Variants in PLCL1 observed in about 807,000 individuals in gnomAD.
PLCL1 encodes phospholipase C like 1 (inactive).
A neutral mutation model predicts 84.4 loss-of-function variants in PLCL1; 41 were observed. The observed-to-expected ratio is 0.49, with a 90% CI of 0.38 to 0.63. PLCL1 has a LOEUF of 0.63. PLCL1 is among the 30% of genes least tolerant of loss of function. PLCL1 has a pLI of 0.00. For synonymous variants in PLCL1, 490 were observed against 488.3 expected (o/e 1.00, Z -0.05); for missense variants, 1,206 against 1,367.8 (o/e 0.88, Z 1.87).
rs577261483 is a variant in PLCL1 at position 197,887,260 on chromosome 2, A to G, written c.240+81921A>G. Among the ~76,000 whole-genome samples, 112 of 152,236 alleles carry G rather than the reference A, an allele frequency of 7.4e-4. 1 individual carries two copies. Among genetic ancestry groups the G allele is most frequent in the African/African-American group, 2.6e-3 (110 of 41,552 alleles). ...AGCATACTGTTTTACATTGGAGTGTAGTGTTTTATTGTATGAAGTACCCCA... is the reference window on the plus strand; with the variant it reads ...AGCATACTGTTTTACATTGGAGTGTGGTGTTTTATTGTATGAAGTACCCCA... On this transcript the variant is annotated intron_variant, in intron 1 of 5. Coordinates refer to ENST00000428675, the MANE Select transcript of PLCL1 (RefSeq NM_006226.4).
intron 1 of PLCL1, among the ~76,000 whole-genome samples, chr2:197,899,760 C>T (rs1346154070): frequency 2.0e-5 from 3 of 151,250 alleles, no homozygotes; most frequent in Non-Finnish European, 4.4e-5. Flanking sequence ...CTCAGCCTCC[C>T]GAGTAGCTGG....
At chr2:198,051,049 G>A (rs1320134355) in intron 1 of PLCL1, among the ~76,000 whole-genome samples, 1 of 152,178 alleles carries the variant, frequency 6.6e-6, no homozygotes, top group Non-Finnish European at 1.5e-5. Context: ...AGTGAGTTCT[G>A]TCTCTTTCAA....
At chr2:197,807,579 C>G (rs1574889228) in intron 1 of PLCL1, among the ~76,000 whole-genome samples, 1 of 152,048 alleles carries the variant, frequency 6.6e-6, no homozygotes, top group East Asian at 1.9e-4. Flanking sequence ...GTGGTTTGTT[C>G]CCTTTAGCAT....
chr2:198,142,132 A>G (rs891676113), intron 5 of PLCL1, among the ~76,000 whole-genome samples: 1 of 152,114 alleles, frequency 6.6e-6, no homozygotes, highest in Non-Finnish European at 1.5e-5. Flanking sequence ...AACCATTTTC[A>G]TTGGTGGGGG....
At chr2:198,033,488 T>G (rs1290295149) in intron 1 of PLCL1, among the ~76,000 whole-genome samples, 1 of 152,128 alleles carries the variant, frequency 6.6e-6, no homozygotes, top group Non-Finnish European at 1.5e-5. Context: ...TGCGACAGAT[T>G]TTACCAGTAC....
At chr2:198,146,488 G>A (rs906183451) in intron 5 of PLCL1, among the ~76,000 whole-genome samples, 4 of 152,176 alleles carry the variant, frequency 2.6e-5, no homozygotes, top group African/African-American at 9.7e-5. Context: ...TGATGGAAGA[G>A]TTGATGTCCT....
intron 1 of PLCL1, among the ~76,000 whole-genome samples, chr2:197,995,289 C>A (rs941624363): frequency 6.6e-6 from 1 of 152,088 alleles, no homozygotes; most frequent in African/African-American, 2.4e-5. Context: ...CCTTTCCCTC[C>A]TTTTCTCTTC....
chr2:198,140,445 A>G (rs902679062), intron 5 of PLCL1, among the ~76,000 whole-genome samples: 2 of 152,138 alleles, frequency 1.3e-5, no homozygotes, highest in African/African-American at 4.8e-5. Flanking sequence ...AATGCAGTTA[A>G]TTACTATTTT....
In PLCL1 at chr2:198,011,700, G is replaced by A. The variant is rs183847437; in HGVS notation, c.241-72058G>A. Among the ~76,000 whole-genome samples the A allele has an allele frequency of 3.4e-3, 524 of 151,920 alleles. 1 individual carries two copies. The highest frequency in any genetic ancestry group is 5.8e-3 in the Non-Finnish European group (394 of 67,912). On this transcript the variant is annotated intron_variant, in intron 1 of 5. Transcript: ENST00000428675. ...TGATTCTGTTGATAACTGAGAGTGG[G>A]GTATTGAAGTCTTCTACTATTATCA... is the stretch of plus-strand genomic sequence containing the variant.
At chr2:198,076,109 G>A (rs914547396) in intron 1 of PLCL1, among the ~76,000 whole-genome samples, 2 of 152,090 alleles carry the variant, frequency 1.3e-5, no homozygotes, top group African/African-American at 4.8e-5. Context: ...CAGCACAGTG[G>A]AAGCTTCTTC....
chr2:197,853,734 T>A (rs888273393), intron 1 of PLCL1, among the ~76,000 whole-genome samples: 4 of 152,154 alleles, frequency 2.6e-5, no homozygotes, highest in African/African-American at 7.2e-5. Flanking sequence ...CTGCCTTCTC[T>A]AGGAAGTTGT....
chr2:197,852,963 C>T (rs1375305642), intron 1 of PLCL1, among the ~76,000 whole-genome samples: 1 of 152,110 alleles, frequency 6.6e-6, no homozygotes, highest in Non-Finnish European at 1.5e-5. Flanking sequence ...CATCCATCTC[C>T]AGAACTTTTT....
intron 1 of PLCL1, among the ~76,000 whole-genome samples, chr2:198,040,232 A>G (rs1691627067): frequency 6.6e-6 from 1 of 152,144 alleles, no homozygotes; most frequent in Non-Finnish European, 1.5e-5. Flanking sequence ...AAACAGGACA[A>G]GATTTTCATC....
chr2:197,856,133 T>C (rs1331667282), intron 1 of PLCL1, among the ~76,000 whole-genome samples: 2 of 152,200 alleles, frequency 1.3e-5, no homozygotes, highest in African/African-American at 4.8e-5. Flanking sequence ...TTGCTGTGCT[T>C]TTTATTTTAT....
chr2:198,143,124 T>C (rs886482770), intron 5 of PLCL1, among the ~76,000 whole-genome samples: 44 of 152,172 alleles, frequency 2.9e-4, no homozygotes, highest in African/African-American at 9.7e-4. Flanking sequence ...ATATATACTA[T>C]AGACGAATAC....
At chr2:197,956,168 G>A (rs1574967644) in intron 1 of PLCL1, among the ~76,000 whole-genome samples, 1 of 152,166 alleles carries the variant, frequency 6.6e-6, no homozygotes, top group African/African-American at 2.4e-5. Context: ...TTTTATGGCT[G>A]CATAGTATTC....
rs1031801592 is a variant in PLCL1, at chr2:198,148,173, T to A, written c.*1211T>A. On this transcript the variant is annotated 3_prime_UTR_variant, in exon 6 of 6. Coordinates refer to ENST00000428675, the MANE Select transcript of PLCL1 (RefSeq NM_006226.4). ...TAATGTTTGTTACCTCCAACAGAAC[T>A]AAATGTTCTATGGTTATGAAAGAAT... 3 of 152,360 alleles carry A rather than the reference T, an allele frequency of 2.0e-5. No individual in the cohort carries two copies. Among genetic ancestry groups the A allele is most frequent in the African/African-American group, 4.8e-5 (2 of 41,466 alleles). The allele number at this position is 152,360 out of a possible 1,614,324, so 9.4% of individuals were successfully genotyped here. A position where few individuals can be genotyped will look rare whatever the true frequency, so the allele number is the denominator to read the frequency against.
chr2:198,068,240 T>G (rs976238918), intron 1 of PLCL1, among the ~76,000 whole-genome samples: 6 of 152,236 alleles, frequency 3.9e-5, no homozygotes, highest in African/African-American at 1.4e-4. Context: ...AAGTACTTTA[T>G]TTCCCTGTCA....
intron 1 of PLCL1, among the ~76,000 whole-genome samples, chr2:198,058,740 G>C (rs1231929678): frequency 6.6e-6 from 1 of 151,992 alleles, no homozygotes; most frequent in East Asian, 1.9e-4. Context: ...AGATAGGTCA[G>C]TTTCAAAAAT....
Sources: allele counts gnomAD v4.1 joint callset (sites outside exome capture counted in the v4.1 genomes callset), GRCh38; gene constraint gnomAD v4.1.1; transcripts MANE v1.5; gene names NCBI Gene and HGNC (gene_info 2026-07-23, HGNC 2026-07-21).